Variants in RNF111 observed in about 807,000 individuals in gnomAD.
RNF111 encodes the protein E3 ubiquitin-protein ligase Arkadia.
Under a neutral mutation model 95.1 loss-of-function variants are expected in RNF111, and 17 were observed. That is an observed-to-expected ratio of 0.18 (90% CI 0.12 to 0.27). The LOEUF is 0.27. RNF111 is among the 10% of genes least tolerant of loss of function. The pLI is 1.00. For synonymous variants in RNF111, 440 were observed against 414.8 expected (o/e 1.06, Z -0.74); for missense variants, 1,189 against 1,210.4 (o/e 0.98, Z 0.26).
At chr15:59,090,946 A>G (rs2079036257) in intron 11 of RNF111, 113 bp from the exon 12 acceptor site, 1 of 623,228 alleles carries the variant, frequency 1.6e-6, no homozygotes. Flanking sequence ...TGAACACTGT[A>G]TTTATATTGC....
intron 1 of RNF111, among the ~76,000 whole-genome samples, chr15:59,011,888 A>G (rs2141554558): frequency 6.6e-6 from 1 of 152,158 alleles, no homozygotes; most frequent in East Asian, 1.9e-4. Context: ...GTTCCAACTG[A>G]AGATAATGTC....
At chr15:59,052,221 G>T in intron 2 of RNF111, 84 bp from the exon 3 acceptor site, 3 of 1,195,454 alleles carry the variant, frequency 2.5e-6, no homozygotes, top group Non-Finnish European at 3.4e-6. Flanking sequence ...GAATTTCATG[G>T]TCTTCAAAGT....
intron 1 of RNF111, among the ~76,000 whole-genome samples, chr15:58,989,718 A>G (rs1173316177): frequency 6.6e-6 from 1 of 152,202 alleles, no homozygotes; most frequent in African/African-American, 2.4e-5. Flanking sequence ...CAGATTATTG[A>G]GAGAGAGCTG....
At chr15:59,050,783 T>G (rs1788698715) in intron 2 of RNF111, among the ~76,000 whole-genome samples, 1 of 152,214 alleles carries the variant, frequency 6.6e-6, no homozygotes, top group Non-Finnish European at 1.5e-5. Flanking sequence ...GTTAGAGCAC[T>G]TAATGTGTTA....
chr15:59,053,326 T>C (rs951444384), intron 3 of RNF111, among the ~76,000 whole-genome samples: 2 of 152,214 alleles, frequency 1.3e-5, no homozygotes, highest in Admixed American at 6.5e-5. Context: ...ATTATAAGTA[T>C]TGGTAATAAT....
Position 59,014,865 on chromosome 15 carries a change from C to T in RNF111, c.-19-15939C>T, listed in dbSNP as rs140626292. Reference sequence around the variant, plus strand: ...TTACCTCCTGGGCTCAAGCGATTCTCCTACCTCAGCCTTCTGAATAGCTGG... The same window carrying T: ...TTACCTCCTGGGCTCAAGCGATTCTTCTACCTCAGCCTTCTGAATAGCTGG... On this transcript the variant is annotated intron_variant, in intron 1 of 13. Coordinates refer to ENST00000348370, the MANE Select transcript of RNF111 (RefSeq NM_017610.8). 4.0e-3 allele frequency among the ~76,000 whole-genome samples: 614 copies of T among 152,066 alleles called. 26 individuals carry two copies. The East Asian group carries it at 0.11, about 28-fold the overall frequency.
intron 1 of RNF111, among the ~76,000 whole-genome samples, chr15:58,998,650 A>G (rs960874861): frequency 3.9e-5 from 6 of 152,254 alleles, no homozygotes; most frequent in Admixed American, 1.3e-4. Flanking sequence ...TTTCTCAAAA[A>G]TAAATGAAGT....
Position 59,081,154 on chromosome 15 carries a change from C to T in RNF111, c.2167C>T (p.His723Tyr). 2 of 1,614,208 alleles carry T rather than the reference C, an allele frequency of 1.2e-6. No individual in the cohort carries two copies. Among genetic ancestry groups the T allele is most frequent in the Admixed American group, 3.3e-5 (2 of 60,020 alleles). ...CAGTACAGCTGCACCAATCCCTCAGCATCTTCCTCCTACACACCAGCCAAT... is the reference window on the plus strand; with the variant it reads ...CAGTACAGCTGCACCAATCCCTCAGTATCTTCCTCCTACACACCAGCCAAT... ...LASTAAPIPQ[H>Y]LPPTHQPISH... Residue 723 changes from histidine to tyrosine, a missense_variant, in exon 8 of 14, where the codon CAT becomes TAT. Physicochemically the swap from His to Tyr is moderately conservative, Grantham distance 83. Coordinates refer to ENST00000348370, the MANE Select transcript of RNF111 (RefSeq NM_017610.8).
At position 59,054,465 on chromosome 15, in the gene RNF111, A is replaced by G. The variant is rs147781918; in HGVS notation, c.1008-1217A>G. On this transcript the variant is annotated intron_variant, in intron 3 of 13. Coordinates refer to ENST00000348370, the MANE Select transcript of RNF111 (RefSeq NM_017610.8). ...AACAGCTTCCCAGAGATAATAGACTACTCAGTCTCATCATAGACTCTTGAT... is the reference window on the plus strand; with the variant it reads ...AACAGCTTCCCAGAGATAATAGACTGCTCAGTCTCATCATAGACTCTTGAT... Among the ~76,000 whole-genome samples, 671 of 152,176 alleles carry G rather than the reference A, an allele frequency of 4.4e-3. 11 individuals are homozygous for G. Among genetic ancestry groups the G allele is most frequent in the African/African-American group, 0.015 (625 of 41,540 alleles).
Position 59,091,168 on chromosome 15 carries a change from C to T in RNF111, c.2739+14C>T, listed in dbSNP as rs774769225. On this transcript the variant is annotated intron_variant, in intron 12 of 13. Transcript: ENST00000348370. ...AAATACAAAAAGGTAAGAATTTATT[C>T]TATGAAACTTCTGGAGTGTTACTGA... The T allele has an allele frequency of 8.9e-6, 13 of 1,456,202 alleles. No individual in the cohort carries two copies. Among genetic ancestry groups the T allele is most frequent in the Non-Finnish European group, 1.2e-5 (13 of 1,042,064 alleles). The allele number at this position is 1,456,202 out of a possible 1,614,324, so 90.2% of individuals were successfully genotyped here. A position where few individuals can be genotyped will look rare whatever the true frequency, so the allele number is the denominator to read the frequency against.
At chr15:59,017,435 A>G (rs562204643) in intron 1 of RNF111, among the ~76,000 whole-genome samples, 1 of 152,324 alleles carries the variant, frequency 6.6e-6, no homozygotes, top group African/African-American at 2.4e-5. Flanking sequence ...TTAATTTTAC[A>G]TTTACCTGTT....
chr15:59,018,642 A>G (rs1367064626), intron 1 of RNF111, among the ~76,000 whole-genome samples: 9 of 152,132 alleles, frequency 5.9e-5, no homozygotes, highest in Non-Finnish European at 1.0e-4. Context: ...TTCACTCCCA[A>G]ACTGTTAAGT....
rs963728998 is a variant in RNF111, at chr15:59,019,756, C to T, written c.-19-11048C>T. Among the ~76,000 whole-genome samples, 36 of 152,028 alleles carry T rather than the reference C, an allele frequency of 2.4e-4. 2 individuals carry two copies. Among genetic ancestry groups the T allele is most frequent in the Admixed American group, 2.2e-3 (34 of 15,250 alleles). ...GGTGGATCACCTGAGGTCAGGAATT[C>T]GAGACCGGCCTGGCCAACGTGGTAA... On this transcript the variant is annotated intron_variant, in intron 1 of 13. Transcript: ENST00000348370.
At chr15:59,077,280 C>G (rs1358235682) in intron 7 of RNF111, among the ~76,000 whole-genome samples, 1 of 152,094 alleles carries the variant, frequency 6.6e-6, no homozygotes, top group African/African-American at 2.4e-5. Context: ...AAATAATATA[C>G]TGAAGCAGTT....
At chr15:59,010,920 G>T (rs1316783678) in intron 1 of RNF111, among the ~76,000 whole-genome samples, 3 of 152,082 alleles carry the variant, frequency 2.0e-5, no homozygotes, top group African/African-American at 4.8e-5. Context: ...TTGTAATTCT[G>T]TGGGCTTTTG....
In RNF111 at chr15:59,095,038, T is replaced by C. The variant is rs2050503219; in HGVS notation, c.*138T>C. 4.2e-6 allele frequency: 3 copies of C among 708,318 alleles called. No homozygotes were observed. Among genetic ancestry groups the C allele is most frequent in the Non-Finnish European group, 7.6e-6 (3 of 393,134 alleles). The allele number at this position is 708,318 out of a possible 1,614,324, so 43.9% of individuals were successfully genotyped here. On this transcript the variant is annotated 3_prime_UTR_variant, in exon 14 of 14. Coordinates refer to ENST00000348370, the MANE Select transcript of RNF111 (RefSeq NM_017610.8). ...TGCTGGCTCTGCTATATGGTACAAC[T>C]AATGCTAGACCTACAGTTTATGTAT...
chr15:58,998,093 C>T (rs768582575), intron 1 of RNF111, among the ~76,000 whole-genome samples: 107 of 151,638 alleles, frequency 7.1e-4, no homozygotes, highest in Middle Eastern at 3.4e-3. Context: ...TTAGTAGAGA[C>T]GTGGTTTCAC....
chr15:59,062,892 A>G (rs1388579409), intron 5 of RNF111, among the ~76,000 whole-genome samples: 1 of 152,194 alleles, frequency 6.6e-6, no homozygotes, highest in Non-Finnish European at 1.5e-5. Context: ...CTGTGCTTAC[A>G]GGATATTTAG....
chr15:59,017,614 G>A (rs1215101218), intron 1 of RNF111, among the ~76,000 whole-genome samples: 3 of 152,142 alleles, frequency 2.0e-5, no homozygotes, highest in South Asian at 4.1e-4. Flanking sequence ...TTGGAAACAG[G>A]AAGTTAAAAT....
Sources: gnomAD v4.1 joint callset for allele counts (sites outside exome capture counted in the v4.1 genomes callset) on GRCh38, gnomAD v4.1.1 for gene constraint, MANE v1.5 for transcripts, NCBI Gene and HGNC (gene_info 2026-07-23, HGNC 2026-07-21) for gene names.